DPP6: variants seen among roughly 807,000 people sequenced by gnomAD.
DPP6 encodes dipeptidyl peptidase like 6.
In DPP6, 69 loss-of-function variants were observed where a neutral mutation model predicts 122.6. That is an observed-to-expected ratio of 0.56 (90% CI 0.46 to 0.69). The LOEUF is 0.69. Ranked by LOEUF, DPP6 falls within the 30% of genes least tolerant of loss-of-function variation. The probability of loss-of-function intolerance (pLI) is 0.00; values close to 1 mark genes in which losing one functional copy is unlikely to be tolerated. For synonymous variants in DPP6, 418 were observed against 433.1 expected (o/e 0.97, Z 0.43); for missense variants, 928 against 1,116.9 (o/e 0.83, Z 2.41).
At chr7:153,770,916 A>T in the DPP6 span, among the ~76,000 whole-genome samples, 10 of 152,202 alleles carry the variant, frequency 6.6e-5, no homozygotes, top group Non-Finnish European at 1.5e-4. Flanking sequence ...TACAAAATGA[A>T]CCAGATATAA....
At chr7:154,207,214 A>G (rs1054994413) in intron 1 of DPP6, among the ~76,000 whole-genome samples, 1 of 152,256 alleles carries the variant, frequency 6.6e-6, no homozygotes, top group Non-Finnish European at 1.5e-5. Context: ...GCTTAATACA[A>G]GCAACTCAAG....
chr7:154,197,919 AG>A (rs1451763410), intron 1 of DPP6, among the ~76,000 whole-genome samples: 1 of 152,166 alleles, frequency 6.6e-6, no homozygotes, highest in African/African-American at 2.4e-5. Context: ...ATTTCATTCC[AG>A]CAGGAGCGGC....
rs562628845 is a variant in DPP6, at chr7:154,416,694, C to A, written c.244-29520C>A. Among the ~76,000 whole-genome samples, 21 of 32,204 alleles carry A rather than the reference C, an allele frequency of 6.5e-4. 1 individual carries two copies. Among genetic ancestry groups the A allele is most frequent in the Admixed American group, 3.1e-3 (6 of 1,966 alleles). 21.1% of individuals were successfully genotyped at this position (32,204 alleles called of 152,430 possible). A position where few individuals can be genotyped will look rare whatever the true frequency, so the allele number is the denominator to read the frequency against. ...TCTCCCCCACCAAGGATCAGGGGAG[C>A]AATTGTAATTCTCTGCTAAATTCTA... is the stretch of plus-strand genomic sequence containing the variant. On this transcript the variant is annotated intron_variant, in intron 1 of 25. Transcript: ENST00000377770.
At chr7:154,446,589 A>T (rs912573518) in intron 2 of DPP6, among the ~76,000 whole-genome samples, 1 of 152,212 alleles carries the variant, frequency 6.6e-6, no homozygotes, top group African/African-American at 2.4e-5. Flanking sequence ...TTCATGCTTG[A>T]TCAACTTAAA....
chr7:154,759,810 C>G (rs941883159), intron 8 of DPP6, among the ~76,000 whole-genome samples: 2 of 152,162 alleles, frequency 1.3e-5, no homozygotes, highest in African/African-American at 4.8e-5. Context: ...TACGGTGACA[C>G]CAGGATTTTC....
At chr7:154,062,769 A>G (rs367874775) in intron 1 of DPP6, among the ~76,000 whole-genome samples, 690 of 39,466 alleles carry the variant, frequency 0.017, 44 homozygotes, top group African/African-American at 0.036. Context: ...CTGAGAGCCA[A>G]CCCCTGGTTC....
chr7:154,519,684 C>T (rs1223479173), intron 3 of DPP6, among the ~76,000 whole-genome samples: 1 of 152,222 alleles, frequency 6.6e-6, no homozygotes, highest in Admixed American at 6.5e-5. Flanking sequence ...CACTGGCCTT[C>T]CTGCTGTTTG....
chr7:153,963,578 G>A (rs1222152418), intron 1 of DPP6, among the ~76,000 whole-genome samples: 2 of 151,714 alleles, frequency 1.3e-5, no homozygotes, highest in African/African-American at 4.8e-5. Context: ...GAGGAACAGG[G>A]CTGCACAGGA....
chr7:153,802,258 G>T, the DPP6 span, among the ~76,000 whole-genome samples: 1 of 152,184 alleles, frequency 6.6e-6, no homozygotes, highest in African/African-American at 2.4e-5. Context: ...CTGCCACACA[G>T]GGGGCCCCAG....
chr7:154,121,301 TCTGCTTG>T (rs1426070455), intron 1 of DPP6, among the ~76,000 whole-genome samples: 1 of 152,230 alleles, frequency 6.6e-6, no homozygotes, highest in Non-Finnish European at 1.5e-5. Flanking sequence ...TTTCCTTCCC[TCTGCTTG>T]CTTTGGGTTT....
chr7:153,997,030 C>CCTCT (rs139415383), intron 1 of DPP6, among the ~76,000 whole-genome samples: 1,789 of 148,294 alleles, frequency 0.012, 35 homozygotes, highest in African/African-American at 0.042. Context: ...AATCTTTATG[C>CCTCT]CTCTCTCTCT....
chr7:154,720,858 G>C lies in DPP6; in HGVS notation c.763-6909G>C, dbSNP rs1586954511. Among the ~76,000 whole-genome samples the C allele has an allele frequency of 2.0e-5, 3 of 152,322 alleles. No individual in the cohort carries two copies. The East Asian group carries it at 5.8e-4, about 29-fold the overall frequency. ...TTTCAGTGAGAAGGGTCTCCTGCCAGTGTGGGCCTGCAGTCACCGGGCAGC... is the reference window on the plus strand; with the variant it reads ...TTTCAGTGAGAAGGGTCTCCTGCCACTGTGGGCCTGCAGTCACCGGGCAGC... On this transcript the variant is annotated intron_variant, in intron 7 of 25. Transcript: ENST00000377770.
At chr7:154,783,736 C>T (rs1489624418) in intron 10 of DPP6, among the ~76,000 whole-genome samples, 1 of 152,304 alleles carries the variant, frequency 6.6e-6, no homozygotes, top group East Asian at 1.9e-4. Context: ...GCAGGTCCCA[C>T]GCCTTGGGAC....
At position 154,795,895 on chromosome 7, in the gene DPP6, A is replaced by T; in HGVS notation, c.1299+12A>T. ...GGCTCCACAGACAGGTAACTACTGC[A>T]TGTCCGGGTCCCCACTGTCACCTCC... On this transcript the variant is annotated intron_variant, in intron 12 of 25. Coordinates refer to ENST00000377770, the MANE Select transcript of DPP6 (RefSeq NM_130797.4). 2 of 1,608,684 alleles carry T rather than the reference A, an allele frequency of 1.2e-6. No individual in the cohort carries two copies. The highest frequency in any genetic ancestry group is 1.7e-6 in the Non-Finnish European group (2 of 1,177,808).
chr7:154,493,252 C>T (rs547409486), intron 3 of DPP6, among the ~76,000 whole-genome samples: 1 of 152,262 alleles, frequency 6.6e-6, no homozygotes, highest in East Asian at 1.9e-4. Flanking sequence ...TCAAGCATGA[C>T]TTTAGTAAAT....
intron 1 of DPP6, among the ~76,000 whole-genome samples, chr7:154,179,461 T>C (rs1358004131): frequency 6.6e-6 from 1 of 152,172 alleles, no homozygotes; most frequent in Non-Finnish European, 1.5e-5. Context: ...ATATTGATAT[T>C]CTAGGGATAA....
chr7:154,008,618 A>AGCT (rs1798013145), intron 1 of DPP6, among the ~76,000 whole-genome samples: 1 of 151,678 alleles, frequency 6.6e-6, no homozygotes, highest in African/African-American at 2.4e-5. Flanking sequence ...CCCGCTTGGC[A>AGCT]GCTGCAATAA....
At chr7:153,909,761 A>T (rs767595325) in intron 1 of DPP6, among the ~76,000 whole-genome samples, 8 of 152,294 alleles carry the variant, frequency 5.3e-5, no homozygotes, top group Middle Eastern at 3.4e-3. Flanking sequence ...AAATTCTGAG[A>T]GGAGCTTTCT....
intron 1 of DPP6, among the ~76,000 whole-genome samples, chr7:154,244,503 GT>G (rs1462519527): frequency 6.6e-6 from 1 of 152,080 alleles, no homozygotes; most frequent in African/African-American, 2.4e-5. Flanking sequence ...ATGTGTGTTT[GT>G]TTCTTAATTT....
Sources: allele counts gnomAD v4.1 joint callset (sites outside exome capture counted in the v4.1 genomes callset), GRCh38; gene constraint gnomAD v4.1.1; transcripts MANE v1.5; gene names NCBI Gene and HGNC (gene_info 2026-07-23, HGNC 2026-07-21).